Variants in ENTREP2 observed in about 807,000 individuals in gnomAD.
ENTREP2 encodes the protein endosomal transmembrane epsin interactor 2, also known as protein ENTREP2.
At chr15:29,618,767 A>T in the ENTREP2 span, among the ~76,000 whole-genome samples, 1 of 152,178 alleles carries the variant, frequency 6.6e-6, no homozygotes, top group African/African-American at 2.4e-5. Flanking sequence ...TGATCTGGTC[A>T]CATGGCCCTC....
At chr15:29,571,246 G>C in the ENTREP2 span, among the ~76,000 whole-genome samples, 1 of 152,138 alleles carries the variant, frequency 6.6e-6, no homozygotes, top group African/African-American at 2.4e-5. Context: ...GGGGGCGGCA[G>C]CGCATCAAGG....
At chr15:29,119,769 TGAAGA>T in the ENTREP2 span, among the ~76,000 whole-genome samples, 6,990 of 149,782 alleles carry the variant, frequency 0.047, 538 homozygotes, top group African/African-American at 0.16. Context: ...CCTTGGGGAA[TGAAGA>T]GAAATGTCGC....
the ENTREP2 span, among the ~76,000 whole-genome samples, chr15:29,567,399 C>T: frequency 1.3e-5 from 2 of 152,200 alleles, no homozygotes; most frequent in South Asian, 4.1e-4. Context: ...CTAAAGTGGA[C>T]CCCTTTACCA....
chr15:29,471,491 G>A, the ENTREP2 span, among the ~76,000 whole-genome samples: 6 of 152,022 alleles, frequency 3.9e-5, no homozygotes, highest in East Asian at 1.9e-4. Flanking sequence ...CCCGGGAGGC[G>A]CCGGGATAAC....
At chr15:29,144,780 C>T in the ENTREP2 span, among the ~76,000 whole-genome samples, 22 of 152,130 alleles carry the variant, frequency 1.4e-4, no homozygotes, top group South Asian at 4.2e-3. Context: ...TGGCTCACAC[C>T]TGTTATCCCA....
At chr15:29,250,069 T>C in the ENTREP2 span, among the ~76,000 whole-genome samples, 7 of 151,918 alleles carry the variant, frequency 4.6e-5, no homozygotes, top group African/African-American at 1.7e-4. Flanking sequence ...CCTCCAACGC[T>C]CGGGATTGCA....
chr15:29,202,499 G>A, the ENTREP2 span, among the ~76,000 whole-genome samples: 3 of 151,880 alleles, frequency 2.0e-5, no homozygotes, highest in Non-Finnish European at 4.4e-5. Flanking sequence ...TTTAAGTTCT[G>A]GGATACAGGT....
At chr15:29,192,809 C>A in the ENTREP2 span, among the ~76,000 whole-genome samples, 102 of 152,262 alleles carry the variant, frequency 6.7e-4, no homozygotes, top group African/African-American at 2.4e-3. Context: ...GGCTGGCTTA[C>A]CACTCAAAAG....
At chr15:29,620,348 G>A in the ENTREP2 span, among the ~76,000 whole-genome samples, 45 of 152,110 alleles carry the variant, frequency 3.0e-4, no homozygotes, top group African/African-American at 1.0e-3. Flanking sequence ...TGCAGGCCGG[G>A]TTGCTCTCCC....
chr15:29,397,876 C>CA, the ENTREP2 span, among the ~76,000 whole-genome samples: 1 of 152,040 alleles, frequency 6.6e-6, no homozygotes, highest in African/African-American at 2.4e-5. Flanking sequence ...TAAAATATCA[C>CA]AAAAATAAGG....
the ENTREP2 span, among the ~76,000 whole-genome samples, chr15:29,458,562 C>T: frequency 6.6e-6 from 1 of 152,104 alleles, no homozygotes; most frequent in Non-Finnish European, 1.5e-5. Context: ...TTGGAGCTTC[C>T]GATCCCTGCC....
At chr15:29,282,993 T>C in the ENTREP2 span, among the ~76,000 whole-genome samples, 3 of 152,140 alleles carry the variant, frequency 2.0e-5, no homozygotes, top group African/African-American at 7.2e-5. Context: ...CCATGGCCTA[T>C]GATAGAGGGC....
At chr15:29,255,932 C>A in the ENTREP2 span, among the ~76,000 whole-genome samples, 1 of 149,314 alleles carries the variant, frequency 6.7e-6, no homozygotes. Context: ...ACCCGGGAGG[C>A]GGAGCTTGCA....
At chr15:29,626,565 G>C in the ENTREP2 span, among the ~76,000 whole-genome samples, 8 of 152,294 alleles carry the variant, frequency 5.3e-5, no homozygotes, top group East Asian at 1.5e-3. Flanking sequence ...TTAGCAGCAG[G>C]AGAACAGACT....
the ENTREP2 span, among the ~76,000 whole-genome samples, chr15:29,650,777 G>A: frequency 6.6e-6 from 1 of 152,062 alleles, no homozygotes; most frequent in Non-Finnish European, 1.5e-5. Flanking sequence ...CTGCTTCTGA[G>A]GCAGGAGGAT....
the ENTREP2 span, among the ~76,000 whole-genome samples, chr15:29,286,600 C>T: frequency 3.3e-5 from 5 of 152,214 alleles, no homozygotes; most frequent in Admixed American, 2.6e-4. Context: ...CCTGGAGCCC[C>T]GGCCTCGGAG....
chr15:29,203,245 A>G, the ENTREP2 span, among the ~76,000 whole-genome samples: 4 of 152,206 alleles, frequency 2.6e-5, no homozygotes, highest in African/African-American at 9.7e-5. Context: ...TACTAAAAAT[A>G]CAAAAAATTA....
the ENTREP2 span, among the ~76,000 whole-genome samples, chr15:29,634,120 G>A: frequency 6.6e-6 from 1 of 152,116 alleles, no homozygotes; most frequent in African/African-American, 2.4e-5. Context: ...CTGGAGACGA[G>A]GTCTTCAGAT....
At chr15:29,391,736 T>C in the ENTREP2 span, among the ~76,000 whole-genome samples, 2 of 152,246 alleles carry the variant, frequency 1.3e-5, no homozygotes, top group African/African-American at 2.4e-5. Context: ...GTAGCACATA[T>C]ATTATTATAA....
Sources: gnomAD v4.1 joint callset for allele counts (sites outside exome capture counted in the v4.1 genomes callset) on GRCh38, gnomAD v4.1.1 for gene constraint, MANE v1.5 for transcripts, NCBI Gene and HGNC (gene_info 2026-07-23, HGNC 2026-07-21) for gene names.